Variants in USP24 observed in about 807,000 individuals in gnomAD.
USP24 encodes the protein ubiquitin carboxyl-terminal hydrolase 24.
USP24 carries 97 observed loss-of-function variants against 361.6 expected under a neutral mutation model. The ratio of observed to expected loss-of-function variants is 0.27; its 90% confidence interval spans 0.23 to 0.32. The LOEUF is 0.32. Among genes scored for constraint, USP24 ranks in the 10% least tolerant of loss-of-function variants. The pLI is 1.00. For missense variants in USP24, 2,353 were observed against 3,165.6 expected, an observed-to-expected ratio of 0.74 and a Z score of 6.16; for synonymous variants, 1,098 against 1,124.6, an observed-to-expected ratio of 0.98 and a Z score of 0.47.
chr1:55,112,566 C>A (rs1003601223), intron 38 of USP24, among the ~76,000 whole-genome samples: 2 of 152,148 alleles, frequency 1.3e-5, no homozygotes, highest in Non-Finnish European at 2.9e-5. Flanking sequence ...TGTTCAGTTT[C>A]CATGTAGTTG....
At chr1:55,181,193 CAGA>C (rs1557678530) in intron 1 of USP24, among the ~76,000 whole-genome samples, 2 of 151,962 alleles carry the variant, frequency 1.3e-5, no homozygotes, top group East Asian at 3.9e-4. Context: ...TCATAAAACA[CAGA>C]AGAAAACTAA....
intron 1 of USP24, among the ~76,000 whole-genome samples, chr1:55,197,298 T>G (rs1034867239): frequency 1.3e-5 from 2 of 152,236 alleles, no homozygotes; most frequent in African/African-American, 4.8e-5. Context: ...TCCACAGTAC[T>G]TATCATCATC....
intron 26 of USP24, among the ~76,000 whole-genome samples, chr1:55,138,258 T>C (rs1646792812): frequency 6.6e-6 from 1 of 152,158 alleles, no homozygotes; most frequent in Non-Finnish European, 1.5e-5. Flanking sequence ...AAACGTCATT[T>C]ACCCTGTCAC....
intron 23 of USP24, 98 bp from the exon 24 acceptor site, chr1:55,141,829 T>C (rs1224304769): frequency 8.5e-6 from 9 of 1,064,472 alleles, no homozygotes; most frequent in Non-Finnish European, 1.1e-5. Flanking sequence ...AGGGCTGTCC[T>C]GGGCATTCAC....
intron 1 of USP24, among the ~76,000 whole-genome samples, chr1:55,209,047 T>C (rs1644784893): frequency 6.7e-6 from 1 of 150,076 alleles, no homozygotes; most frequent in Admixed American, 6.6e-5. Context: ...CACTAAACAA[T>C]AAAAATTCCT....
intron 28 of USP24, among the ~76,000 whole-genome samples, chr1:55,135,382 C>A (rs1399445672): frequency 1.3e-5 from 2 of 152,156 alleles, no homozygotes; most frequent in Non-Finnish European, 2.9e-5. Context: ...AAATCGGAAA[C>A]TTTCTGAGTG....
At chr1:55,073,969 C>A in intron 63 of USP24, 63 bp from the exon 64 acceptor site, 2 of 1,326,414 alleles carry the variant, frequency 1.5e-6, no homozygotes, top group Non-Finnish European at 2.1e-6. Flanking sequence ...CTCCAAGTGA[C>A]AACAAGCTCT....
chr1:55,162,700 G>A (rs77967690), intron 7 of USP24, among the ~76,000 whole-genome samples: 271 of 152,100 alleles, frequency 1.8e-3, no homozygotes, highest in African/African-American at 6.0e-3. Flanking sequence ...GTTTCTAAAT[G>A]GAAAAGACCA....
At chr1:55,092,376 C>T (rs910344301) in intron 53 of USP24, among the ~76,000 whole-genome samples, 6 of 152,218 alleles carry the variant, frequency 3.9e-5, no homozygotes, top group African/African-American at 1.4e-4. Flanking sequence ...GTTGTTAGAC[C>T]GCAGGATGTT....
chr1:55,130,186 G>C (rs781583230), intron 31 of USP24, among the ~76,000 whole-genome samples: 2 of 152,146 alleles, frequency 1.3e-5, no homozygotes, highest in Non-Finnish European at 2.9e-5. Context: ...TGAATACTTT[G>C]GTTGGGCAGA....
chr1:55,209,207 T>C (rs138754016), intron 1 of USP24, among the ~76,000 whole-genome samples: 2 of 152,328 alleles, frequency 1.3e-5, no homozygotes, highest in East Asian at 3.9e-4. Flanking sequence ...TGAAATGTCC[T>C]CACATCTGAA....
rs904450416 is a variant in USP24, at chr1:55,072,675, C to T, written c.7602+111G>A. ...ACTGTAGCAAAGAAATGTTTGAAAT[C>T]TGAAAACACTTTAAGGTCAGTCTCC... On this transcript the variant is annotated intron_variant, in intron 65 of 67. Transcript: ENST00000294383. 11 of 1,117,246 alleles carry T rather than the reference C, an allele frequency of 9.8e-6. No individual in the cohort carries two copies. The Admixed American group carries it at 1.7e-4, about 17-fold the overall frequency. 69.2% of individuals were successfully genotyped at this position (1,117,246 alleles called of 1,614,324 possible).
chr1:55,083,931 A>AG (rs1645200737), intron 56 of USP24, 43 bp from the exon 57 acceptor site: 1 of 1,418,796 alleles, frequency 7.0e-7, no homozygotes. Flanking sequence ...AAAAGAACGT[A>AG]AGACAGACAT....
intron 60 of USP24, among the ~76,000 whole-genome samples, chr1:55,078,923 C>A (rs1570349484): frequency 7.5e-6 from 1 of 133,462 alleles, no homozygotes; most frequent in Admixed American, 7.5e-5. Context: ...AAATAATCAC[C>A]AACAGATCCA....
rs77435420 is a variant in USP24 at position 55,134,679 on chromosome 1, C to T, written c.3202-266G>A. On this transcript the variant is annotated intron_variant, in intron 28 of 67. Transcript: ENST00000294383. ...GGACTAAGGTGCCAAAAGGCAGGCA[C>T]AGTAGAAGAGAGGTAAAGCAGAGAG... Among the ~76,000 whole-genome samples, 15,391 of 152,140 alleles carry T rather than the reference C, an allele frequency of 0.1. 1,031 individuals carry two copies. The highest frequency in any genetic ancestry group is 0.15 in the Non-Finnish European group (10,196 of 68,004).
rs1004951270 is a variant in USP24, at chr1:55,068,233, G to A, written c.*812C>T. Reference sequence around the variant, plus strand: ...ACTCAGTAAAATTATATCTTAAAGTGCTTTTATTTTGCTGTTTTTAAAATC... The same window carrying A: ...ACTCAGTAAAATTATATCTTAAAGTACTTTTATTTTGCTGTTTTTAAAATC... On this transcript the variant is annotated 3_prime_UTR_variant, in exon 68 of 68. Transcript: ENST00000294383. 2 of 152,158 alleles carry A rather than the reference G, an allele frequency of 1.3e-5. No individual in the cohort carries two copies. The highest frequency in any genetic ancestry group is 2.4e-5 in the African/African-American group (1 of 41,454). The allele number at this position is 152,158 out of a possible 1,614,324, so 9.4% of individuals were successfully genotyped here.
At chr1:55,192,554 T>C (rs1234709776) in intron 1 of USP24, among the ~76,000 whole-genome samples, 1 of 152,186 alleles carries the variant, frequency 6.6e-6, no homozygotes, top group African/African-American at 2.4e-5. Context: ...TAATAAACAA[T>C]TAGAAACATA....
In USP24 at chr1:55,098,551, C is replaced by T. The variant is rs1645549149; in HGVS notation, c.5378G>A (p.Gly1793Glu). The T allele has an allele frequency of 1.2e-6, 2 of 1,610,544 alleles. No individual in the cohort carries two copies. The highest frequency in any genetic ancestry group is 1.7e-6 in the Non-Finnish European group (2 of 1,177,866). ...TGTATTCTTAAAAATTTGGTCTCTC[C>T]CCATTTTCTGTTGGAATGAAAAGTT... ...DQMDEYLKKM[G>E]RDQIFKNTFQ... Residue 1793 changes from glycine (G) to glutamate (E), a missense_variant, in exon 46 of 68, where the codon GGG becomes GAG. Around this residue, in one of 8 missense-constraint regions of USP24, gnomAD observed 105 missense variants for 200.3 expected, o/e 0.52. Transcript: ENST00000294383.
Position 55,097,139 on chromosome 1 carries a change from C to T in USP24, c.5749G>A (p.Val1917Ile), listed in dbSNP as rs1645514208. Reference sequence around the variant, plus strand: ...GAATCTTGGCGAGCCATTCCTGAAACTGTGTAAGGCTCCATGTTTAGCATC... The same window carrying T: ...GAATCTTGGCGAGCCATTCCTGAAATTGTGTAAGGCTCCATGTTTAGCATC... ...PWMLNMEPYT[V>I]SGMARQDSSS... Residue 1917 changes from valine to isoleucine, a missense_variant, in exon 49 of 68, where the codon GTT (valine) becomes ATT (isoleucine). Physicochemically the swap from Val to Ile is conservative, Grantham distance 29. Coordinates refer to ENST00000294383, the MANE Select transcript of USP24 (RefSeq NM_015306.3). 6.2e-7 allele frequency: 1 copy of T among 1,613,940 alleles called. No individual in the cohort carries two copies. Among genetic ancestry groups the T allele is most frequent in the East Asian group, 2.2e-5 (1 of 44,884 alleles).
Sources: gnomAD v4.1 joint callset for allele counts (sites outside exome capture counted in the v4.1 genomes callset) on GRCh38, gnomAD v4.1.1 for gene constraint, gnomAD v4.1.1 regional missense constraint, MANE v1.5 for transcripts, NCBI Gene and HGNC (gene_info 2026-07-23, HGNC 2026-07-21) for gene names.